RBM33: variants seen among roughly 807,000 people sequenced by gnomAD.
RBM33 encodes RNA binding motif protein 33.
A neutral mutation model predicts 132.6 loss-of-function variants in RBM33; 28 were observed. That is an observed-to-expected ratio of 0.21 (90% confidence interval 0.16 to 0.29). The LOEUF (loss-of-function observed/expected upper bound fraction) is 0.29, where lower values mean the gene tolerates loss of function less well. RBM33 is among the 10% of genes least tolerant of loss of function. RBM33 has a pLI of 1.00. For missense variants in RBM33, 1,291 were observed against 1,518.5 expected, an observed-to-expected ratio of 0.85 and a Z score of 2.49; for synonymous variants, 634 against 593.0, an observed-to-expected ratio of 1.07 and a Z score of -1.01.
At chr7:155,661,541 G>A (rs1016375177) in intron 1 of RBM33, among the ~76,000 whole-genome samples, 5 of 151,774 alleles carry the variant, frequency 3.3e-5, no homozygotes, top group African/African-American at 4.8e-5. Context: ...CCGAGTAGCC[G>A]GGATTACAGG....
chr7:155,743,966 G>A (rs1483563609), intron 13 of RBM33, among the ~76,000 whole-genome samples: 1 of 152,114 alleles, frequency 6.6e-6, no homozygotes, highest in African/African-American at 2.4e-5. Flanking sequence ...TTTGCAGTTT[G>A]AAATCTGCCC....
At chr7:155,750,566 A>G (rs1014458718) in intron 14 of RBM33, among the ~76,000 whole-genome samples, 14 of 152,270 alleles carry the variant, frequency 9.2e-5, no homozygotes, top group East Asian at 7.7e-4. Context: ...CCTGGCCTCA[A>G]TGAATCCCAG....
chr7:155,715,186 A>C (rs944172575), intron 8 of RBM33, among the ~76,000 whole-genome samples: 2 of 152,108 alleles, frequency 1.3e-5, no homozygotes, highest in African/African-American at 4.8e-5. Flanking sequence ...ACATGAACAC[A>C]CGCATACTTG....
intron 8 of RBM33, among the ~76,000 whole-genome samples, chr7:155,712,157 TGA>T (rs1442584634): frequency 6.6e-6 from 1 of 152,250 alleles, no homozygotes; most frequent in East Asian, 1.9e-4. Flanking sequence ...TTTGCAGTGG[TGA>T]GTGTCCCTCT....
chr7:155,649,533 C>G (rs1179702919), intron 1 of RBM33, among the ~76,000 whole-genome samples: 2 of 152,120 alleles, frequency 1.3e-5, no homozygotes, highest in Non-Finnish European at 2.9e-5. Flanking sequence ...TTGATTTTTT[C>G]GGTCCCTCAG....
At chr7:155,662,626 G>A (rs1488957407) in intron 1 of RBM33, among the ~76,000 whole-genome samples, 1 of 152,100 alleles carries the variant, frequency 6.6e-6, no homozygotes, top group Non-Finnish European at 1.5e-5. Flanking sequence ...GGAACTGGGG[G>A]AAAGCAGCAG....
chr7:155,755,831 T>C (rs1379406286), intron 14 of RBM33, among the ~76,000 whole-genome samples: 1 of 152,166 alleles, frequency 6.6e-6, no homozygotes, highest in African/African-American at 2.4e-5. Flanking sequence ...CTCTTTTTTT[T>C]TGTAATGATT....
chr7:155,757,466 T>G (rs947016092), intron 14 of RBM33, among the ~76,000 whole-genome samples: 3 of 152,176 alleles, frequency 2.0e-5, no homozygotes, highest in Non-Finnish European at 4.4e-5. Context: ...AGCACAGCAT[T>G]ATAGTAGCCC....
In RBM33 at chr7:155,707,342, A is replaced by G. The variant is rs1380711362; in HGVS notation, c.948+274A>G. On this transcript the variant is annotated intron_variant, in intron 7 of 17. Transcript: ENST00000401878. ...GAGCGACCTGATGCCCTAAGATGAC[A>G]TAAGCTGTTGGACCTTGCTACCTAA... is the stretch of plus-strand genomic sequence containing the variant. The G allele has an allele frequency of 8.7e-6, 5 of 576,798 alleles. No homozygotes were observed. In the East Asian group the frequency reaches 1.3e-4, roughly 15 times the overall value. 35.7% of individuals were successfully genotyped at this position (576,798 alleles called of 1,614,324 possible).
chr7:155,673,945 T>TTTTGTTTTTG (rs1563138324), intron 3 of RBM33, among the ~76,000 whole-genome samples: 5 of 88,480 alleles, frequency 5.7e-5, no homozygotes, highest in Non-Finnish European at 8.8e-5. Flanking sequence ...GCTTAGTTTT[T>TTTTGTTTTTG]TTTTTTTTTT....
chr7:155,645,250 C>A, intron 1 of RBM33: 1 of 271,270 alleles, frequency 3.7e-6, no homozygotes, highest in Non-Finnish European at 6.9e-6. Context: ...GAGAGCGCCC[C>A]CCCCACCCCC....
At chr7:155,726,949 C>T (rs753237920) in intron 9 of RBM33, among the ~76,000 whole-genome samples, 1 of 152,148 alleles carries the variant, frequency 6.6e-6, no homozygotes, top group African/African-American at 2.4e-5. Flanking sequence ...TTCTTTGTCT[C>T]ATAGAGGAAA....
intron 15 of RBM33, 21 bp downstream of exon 15, chr7:155,764,039 C>T (rs370918622): frequency 1.9e-5 from 29 of 1,493,736 alleles, no homozygotes; most frequent in East Asian, 7.3e-5. Flanking sequence ...TTGCCTCGCA[C>T]GCAGCCCTGG....
intron 5 of RBM33, among the ~76,000 whole-genome samples, chr7:155,698,004 A>G (rs1177173781): frequency 6.6e-6 from 1 of 152,216 alleles, no homozygotes; most frequent in Non-Finnish European, 1.5e-5. Flanking sequence ...TTTGATTTTT[A>G]TGTTGTAGCA....
intron 9 of RBM33, among the ~76,000 whole-genome samples, chr7:155,728,149 C>A (rs1447535816): frequency 3.9e-5 from 6 of 152,118 alleles, no homozygotes; most frequent in Non-Finnish European, 7.4e-5. Flanking sequence ...GCATTATCTG[C>A]CCTCTTTTCT....
chr7:155,687,744 C>T (rs549886191), intron 5 of RBM33, among the ~76,000 whole-genome samples: 59 of 152,284 alleles, frequency 3.9e-4, no homozygotes, highest in African/African-American at 1.1e-3. Context: ...ATCCTTTCCC[C>T]ATTTCTTGTT....
At chr7:155,723,158 G>A (rs1800676788) in intron 9 of RBM33, among the ~76,000 whole-genome samples, 1 of 152,154 alleles carries the variant, frequency 6.6e-6, no homozygotes, top group Non-Finnish European at 1.5e-5. Flanking sequence ...GTGTCTTATA[G>A]GCCATTTCAT....
rs115688001 is a variant in RBM33 at position 155,704,035 on chromosome 7, A to G, written c.740-2825A>G. ...ATCAAATGATGCACTGGTATCCCCA[A>G]TTTCTGACTCTAAAAGTTTACATGT... On this transcript the variant is annotated intron_variant, in intron 6 of 17. Transcript: ENST00000401878. 1.5e-3 allele frequency among the ~76,000 whole-genome samples: 223 copies of G among 152,274 alleles called. 4 individuals carry two copies. Among genetic ancestry groups the G allele is most frequent in the African/African-American group, 5.0e-3 (209 of 41,560 alleles).
At chr7:155,659,592 C>G (rs1365196078) in intron 1 of RBM33, among the ~76,000 whole-genome samples, 1 of 151,786 alleles carries the variant, frequency 6.6e-6, no homozygotes, top group Non-Finnish European at 1.5e-5. Context: ...TCTAAAGGAC[C>G]TACGGGACAC....
Sources: allele counts gnomAD v4.1 joint callset (sites outside exome capture counted in the v4.1 genomes callset), GRCh38; gene constraint gnomAD v4.1.1; transcripts MANE v1.5; gene names NCBI Gene and HGNC (gene_info 2026-07-23, HGNC 2026-07-21).